The following NEGR1 variants were observed in gnomAD, a reference collection of about 807,000 sequenced individuals.
The protein encoded by NEGR1 is neuronal growth regulator 1.
Under a neutral mutation model 40.9 loss-of-function variants are expected in NEGR1, and 10 were observed. The observed-to-expected ratio is 0.24, with a 90% CI of 0.15 to 0.42. The LOEUF is 0.42. NEGR1 is among the 10% of genes least tolerant of loss of function. The pLI, the probability that NEGR1 is intolerant of heterozygous loss-of-function variation, is 1.00. For missense variants in NEGR1, 352 were observed against 438.9 expected (o/e 0.80, Z 1.77); for synonymous variants, 185 against 166.8 (o/e 1.11, Z -0.84).
intron 2 of NEGR1, among the ~76,000 whole-genome samples, chr1:71,842,616 A>C (rs1659282384): frequency 6.6e-6 from 1 of 152,168 alleles, no homozygotes; most frequent in Admixed American, 6.6e-5. Flanking sequence ...TCTTGCATGC[A>C]TTTTAGTTAC....
At chr1:71,531,009 C>T (rs930569167) in intron 6 of NEGR1, among the ~76,000 whole-genome samples, 1 of 151,222 alleles carries the variant, frequency 6.6e-6, no homozygotes, top group Non-Finnish European at 1.5e-5. Flanking sequence ...TTCATAATAA[C>T]TCCATGTACT....
At chr1:71,471,559 T>C (rs564445778) in intron 6 of NEGR1, among the ~76,000 whole-genome samples, 2 of 151,882 alleles carry the variant, frequency 1.3e-5, no homozygotes, top group South Asian at 4.2e-4. Flanking sequence ...GGCCAGAGAA[T>C]CATTTGAACC....
At position 71,694,246 on chromosome 1, in the gene NEGR1, C is replaced by CGT. The variant is rs143959665; in HGVS notation, c.667+3760_667+3761dup. Among the ~76,000 whole-genome samples, 622 of 149,286 alleles carry CGT rather than the reference C, an allele frequency of 4.2e-3. 3 individuals are homozygous for CGT. The highest frequency in any genetic ancestry group is 0.013 in the African/African-American group (536 of 40,956). The stretch of plus-strand genomic sequence containing the variant: ...ATCAAATGTGTCAATTTTTTTTTCT[C>CGT]GTGTGTGTGTGTGTGTGTTTGTGTG... On this transcript the variant is annotated intron_variant, in intron 4 of 6. Transcript: ENST00000357731.
chr1:71,638,748 C>G (rs1382407068), intron 4 of NEGR1, among the ~76,000 whole-genome samples: 4 of 151,910 alleles, frequency 2.6e-5, no homozygotes, highest in African/African-American at 9.7e-5. Flanking sequence ...TAACCTTTTA[C>G]AGTCTCAGAG....
chr1:72,164,589 C>T (rs1011374155), intron 1 of NEGR1, among the ~76,000 whole-genome samples: 2 of 151,984 alleles, frequency 1.3e-5, no homozygotes, highest in East Asian at 1.9e-4. Context: ...ACAATTTGTA[C>T]TCCTTAAATA....
intron 2 of NEGR1, among the ~76,000 whole-genome samples, chr1:71,778,641 T>C (rs899773054): frequency 1.3e-5 from 2 of 152,182 alleles, no homozygotes; most frequent in East Asian, 1.9e-4. Flanking sequence ...AGATAGTATA[T>C]AGGGCTCTTA....
chr1:71,485,897 CAT>C (rs1472941794), intron 6 of NEGR1, among the ~76,000 whole-genome samples: 2 of 151,612 alleles, frequency 1.3e-5, no homozygotes, highest in African/African-American at 4.8e-5. Flanking sequence ...CTACTATAAA[CAT>C]ATGTGTGAAG....
rs144445473 is a variant in NEGR1 at position 72,087,015 on chromosome 1, C to T, written c.177-151704G>A. Reference sequence around the variant, plus strand: ...GAGTTAGAGTTATTTCATTTTACTTCAACAATGTGCTGGATAAGCTGTGTG... The same window carrying T: ...GAGTTAGAGTTATTTCATTTTACTTTAACAATGTGCTGGATAAGCTGTGTG... On this transcript the variant is annotated intron_variant, in intron 1 of 6. Coordinates refer to ENST00000357731, the MANE Select transcript of NEGR1 (RefSeq NM_173808.3). 3.3e-5 allele frequency among the ~76,000 whole-genome samples: 5 copies of T among 152,226 alleles called. No homozygotes were observed. In the East Asian group the frequency reaches 7.7e-4, roughly 24 times the overall value.
rs555242134 is a variant in NEGR1 at position 71,783,589 on chromosome 1, A to G, written c.410-7292T>C. Among the ~76,000 whole-genome samples, 13 of 152,300 alleles carry G rather than the reference A, an allele frequency of 8.5e-5. No individual in the cohort carries two copies. The South Asian group carries it at 2.7e-3, about 32-fold the overall frequency. On this transcript the variant is annotated intron_variant, in intron 2 of 6. Coordinates refer to ENST00000357731, the MANE Select transcript of NEGR1 (RefSeq NM_173808.3). ...ATACCAAGCATGAGTTTTAAATTCA[A>G]ACTTGCCAAATTCATGAAATACCTA...
At chr1:71,627,250 T>C (rs2101560085) in intron 4 of NEGR1, among the ~76,000 whole-genome samples, 1 of 152,322 alleles carries the variant, frequency 6.6e-6, no homozygotes, top group East Asian at 1.9e-4. Context: ...CCAAGCCAAA[T>C]GTCCAACAAT....
At chr1:72,023,218 A>G (rs1427132543) in intron 1 of NEGR1, among the ~76,000 whole-genome samples, 1 of 152,154 alleles carries the variant, frequency 6.6e-6, no homozygotes, top group Non-Finnish European at 1.5e-5. Flanking sequence ...TTTGCCCTTG[A>G]AGAAGTGATT....
chr1:71,916,523 C>A (rs185750347), intron 2 of NEGR1, among the ~76,000 whole-genome samples: 5 of 152,090 alleles, frequency 3.3e-5, no homozygotes, highest in African/African-American at 4.8e-5. Context: ...GAGGCCGAAG[C>A]GGGTGGATCA....
In NEGR1 at chr1:71,396,132, T is replaced by C. The variant is rs1646210075; in HGVS notation, c.*11314A>G. On this transcript the variant is annotated 3_prime_UTR_variant, in exon 7 of 7. Transcript: ENST00000357731. Reference sequence around the variant, plus strand: ...TAGGAGAAAATATACATTAATCTCTTTCTTTCCCTTCCTCTTTCTCTTCTT... The same window carrying C: ...TAGGAGAAAATATACATTAATCTCTCTCTTTCCCTTCCTCTTTCTCTTCTT... 6.6e-6 allele frequency: 1 copy of C among 152,156 alleles called. No individual in the cohort carries two copies. The highest frequency in any genetic ancestry group is 6.5e-5 in the Admixed American group (1 of 15,268). 9.4% of individuals were successfully genotyped at this position (152,156 alleles called of 1,614,324 possible).
intron 1 of NEGR1, among the ~76,000 whole-genome samples, chr1:72,181,857 G>T (rs1652383761): frequency 6.6e-6 from 1 of 152,058 alleles, no homozygotes; most frequent in Non-Finnish European, 1.5e-5. Context: ...CAAAGAGAAT[G>T]AAACAGCAGT....
chr1:72,149,887 A>G, intron 1 of NEGR1, among the ~76,000 whole-genome samples: 1 of 150,002 alleles, frequency 6.7e-6, no homozygotes, highest in South Asian at 2.1e-4. Context: ...GTCAAAAAAA[A>G]AAAAAAAAAA....
At chr1:71,715,991 T>C (rs767751744) in intron 3 of NEGR1, among the ~76,000 whole-genome samples, 19 of 152,280 alleles carry the variant, frequency 1.2e-4, no homozygotes, top group Non-Finnish European at 2.4e-4. Flanking sequence ...TCTCATGCTG[T>C]TGTAAAGAAA....
chr1:71,581,630 G>A (rs918045678), intron 6 of NEGR1, among the ~76,000 whole-genome samples: 3 of 151,804 alleles, frequency 2.0e-5, no homozygotes, highest in Non-Finnish European at 2.9e-5. Flanking sequence ...AGAAGCAACT[G>A]ACTATATGGA....
intron 4 of NEGR1, among the ~76,000 whole-genome samples, chr1:71,679,435 A>G (rs1021914301): frequency 2.0e-5 from 3 of 152,118 alleles, no homozygotes; most frequent in Admixed American, 2.0e-4. Context: ...TTTATAAAAG[A>G]TTTGCACATT....
chr1:71,798,782 G>A (rs917878056), intron 2 of NEGR1, among the ~76,000 whole-genome samples: 20 of 152,096 alleles, frequency 1.3e-4, no homozygotes, highest in African/African-American at 4.3e-4. Flanking sequence ...AACATATTTC[G>A]TGGAGAAACC....
Sources: gnomAD v4.1 joint callset for allele counts (sites outside exome capture counted in the v4.1 genomes callset) on GRCh38, gnomAD v4.1.1 for gene constraint, MANE v1.5 for transcripts, NCBI Gene and HGNC (gene_info 2026-07-23, HGNC 2026-07-21) for gene names.